The following PTPRC variants were observed in gnomAD, a reference collection of about 807,000 sequenced individuals.
The protein encoded by PTPRC is receptor-type tyrosine-protein phosphatase C.
A neutral mutation model predicts 155.9 loss-of-function variants in PTPRC; 44 were observed. The ratio of observed to expected loss-of-function variants is 0.28; its 90% CI spans 0.22 to 0.36. PTPRC has a LOEUF of 0.36. Ranked by LOEUF, PTPRC falls within the 10% of genes least tolerant of loss-of-function variation. The pLI is 1.00. For missense variants in PTPRC, 1,401 were observed against 1,564.6 expected (o/e 0.90, Z 1.76); for synonymous variants, 525 against 533.1 (o/e 0.98, Z 0.21).
Position 198,752,776 on chromosome 1 carries a change from C to G in PTPRC, c.3509+4C>G. Reference sequence around the variant, plus strand: ...CACCTCTACTCATTCACTGCAGGTGCGTGGGATTTGGTAGAATGTGCTCTC... The same window carrying G: ...CACCTCTACTCATTCACTGCAGGTGGGTGGGATTTGGTAGAATGTGCTCTC... On this transcript the variant is annotated splice_donor_region_variant and intron_variant, in intron 31 of 32. Coordinates refer to ENST00000442510, the MANE Select transcript of PTPRC (RefSeq NM_002838.5). 1.2e-6 allele frequency: 2 copies of G among 1,611,570 alleles called. No individual in the cohort carries two copies. The highest frequency in any genetic ancestry group is 1.3e-5 in the African/African-American group (1 of 74,892).
In PTPRC at chr1:198,696,826, C is replaced by G; in HGVS notation, c.215C>G (p.Thr72Ser). The change falls in exon 4 of 33, where the codon ACC becomes AGC. Residue 72 changes from threonine to serine, a missense_variant. This residue lies in a region of PTPRC where 867 missense variants were observed against 970.4 expected (regional missense o/e 0.89). Coordinates refer to ENST00000442510, the MANE Select transcript of PTPRC (RefSeq NM_002838.5). ...GAAAGAGAAAATGACTTCTCAGAGA[C>G]CACAACTTCTCTTAGTCCAGACAAT... ...TFERENDFSE[T>S]TTSLSPDNTS... 6.2e-7 allele frequency: 1 copy of G among 1,613,942 alleles called. No homozygotes were observed.
intron 15 of PTPRC, among the ~76,000 whole-genome samples, chr1:198,722,817 C>T (rs1158565917): frequency 1.3e-5 from 2 of 151,442 alleles, no homozygotes; most frequent in African/African-American, 2.4e-5. Context: ...CTATTTTATT[C>T]TGTCTCTTCA....
chr1:198,749,512 A>G lies in PTPRC; in HGVS notation c.3035A>G (p.Glu1012Gly). 1 of 1,611,230 alleles carries G rather than the reference A, an allele frequency of 6.2e-7. No individual in the cohort carries two copies. The highest frequency in any genetic ancestry group is 8.5e-7 in the Non-Finnish European group (1 of 1,178,326). ...DESSDDDSDS[E>G]EPSKYINASF... ...TCCTCTGATGATGACAGTGATTCAGAGGAACCAAGCAAATACATCAATGCA... is the reference window on the plus strand; with the variant it reads ...TCCTCTGATGATGACAGTGATTCAGGGGAACCAAGCAAATACATCAATGCA... Residue 1012 changes from glutamate to glycine, a missense_variant, in exon 28 of 33, where the codon GAG (glutamate) becomes GGG (glycine). By Grantham distance (98) the Glu-to-Gly change is moderately conservative. Around this residue, in one of 3 missense-constraint regions of PTPRC, gnomAD observed 400 missense variants for 389.5 expected, o/e 1.03. Coordinates refer to ENST00000442510, the MANE Select transcript of PTPRC (RefSeq NM_002838.5).
At chr1:198,714,564 C>T (rs562326499) in intron 12 of PTPRC, among the ~76,000 whole-genome samples, 1 of 152,110 alleles carries the variant, frequency 6.6e-6, no homozygotes, top group African/African-American at 2.4e-5. Context: ...CCAAAGCTGC[C>T]GATTGGTGAC....
intron 2 of PTPRC, among the ~76,000 whole-genome samples, chr1:198,678,650 C>T (rs1441886012): frequency 6.6e-6 from 1 of 152,148 alleles, no homozygotes; most frequent in African/African-American, 2.4e-5. Context: ...GCCAGCCAGC[C>T]TCTGGTTGTC....
intron 27 of PTPRC, among the ~76,000 whole-genome samples, chr1:198,748,580 A>G (rs2102535486): frequency 6.6e-6 from 1 of 151,842 alleles, no homozygotes; most frequent in East Asian, 1.9e-4. Flanking sequence ...AATTACATCC[A>G]TTTGTTCTCT....
intron 17 of PTPRC, among the ~76,000 whole-genome samples, chr1:198,730,935 G>A (rs777547055): frequency 5.3e-5 from 8 of 152,156 alleles, no homozygotes; most frequent in Non-Finnish European, 8.8e-5. Flanking sequence ...GTACATGGAA[G>A]AGTAGGAGAA....
chr1:198,703,315 T>C lies in PTPRC; in HGVS notation c.601T>C (p.Ser201Pro). The change falls in exon 7 of 33, where the codon TCT becomes CCT. Residue 201 changes from serine (S) to proline (P), a missense_variant. Ser to Pro is a moderately conservative substitution (Grantham distance 74). Coordinates refer to ENST00000442510, the MANE Select transcript of PTPRC (RefSeq NM_002838.5). Reference protein sequence around the residue: ...ANTSDAYLNASETTTLSPSGS... With the variant: ...ANTSDAYLNAPETTTLSPSGS... ...TCTTGCAGATGCCTACCTTAATGCCTCTGAAACAACCACTCTGAGCCCTTC... is the reference window on the plus strand; with the variant it reads ...TCTTGCAGATGCCTACCTTAATGCCCCTGAAACAACCACTCTGAGCCCTTC... 1 of 1,613,310 alleles carries C rather than the reference T, an allele frequency of 6.2e-7. No individual in the cohort carries two copies.
At chr1:198,726,442 C>T (rs745372093) in intron 15 of PTPRC, among the ~76,000 whole-genome samples, 47 of 152,032 alleles carry the variant, frequency 3.1e-4, no homozygotes, top group South Asian at 1.2e-3. Flanking sequence ...TTATATATGC[C>T]GGCAGTATAA....
intron 26 of PTPRC, among the ~76,000 whole-genome samples, 159 bp downstream of exon 26, chr1:198,744,362 A>G (rs1409696199): frequency 6.6e-6 from 1 of 151,502 alleles, no homozygotes; most frequent in African/African-American, 2.4e-5. Flanking sequence ...GTGAGTTAAG[A>G]GAAATGCCTG....
intron 2 of PTPRC, among the ~76,000 whole-genome samples, chr1:198,664,526 T>G (rs1664166865): frequency 6.6e-6 from 1 of 152,200 alleles, no homozygotes; most frequent in African/African-American, 2.4e-5. Context: ...TTTTTTAAAA[T>G]TCTTTCTCAA....
At chr1:198,707,900 A>G (rs1653079783) in intron 9 of PTPRC, among the ~76,000 whole-genome samples, 1 of 152,242 alleles carries the variant, frequency 6.6e-6, no homozygotes, top group African/African-American at 2.4e-5. Context: ...ACGTGGTATA[A>G]CTTATAAATG....
chr1:198,706,637 G>A, intron 8 of PTPRC, 97 bp from the exon 9 acceptor site: 1 of 1,323,338 alleles, frequency 7.6e-7, no homozygotes, highest in East Asian at 2.3e-5. Context: ...ATGTTTTTTG[G>A]GGATATTTGG....
At chr1:198,674,121 T>C (rs948223428) in intron 2 of PTPRC, among the ~76,000 whole-genome samples, 1 of 152,222 alleles carries the variant, frequency 6.6e-6, no homozygotes, top group African/African-American at 2.4e-5. Flanking sequence ...TTTGTTGTAG[T>C]TGCATTTGTT....
chr1:198,746,551 GAGGGC>G (rs764469641), intron 26 of PTPRC, among the ~76,000 whole-genome samples: 1 of 151,768 alleles, frequency 6.6e-6, no homozygotes, highest in Non-Finnish European at 1.5e-5. Flanking sequence ...ATGGGCATCA[GAGGGC>G]AGGGAGGAAG....
intron 3 of PTPRC, among the ~76,000 whole-genome samples, chr1:198,696,075 G>T (rs190005460): frequency 6.6e-6 from 1 of 151,858 alleles, no homozygotes; most frequent in East Asian, 1.9e-4. Context: ...CAAGAGAATC[G>T]CTTGAACCAG....
At chr1:198,682,881 A>G (rs930240145) in intron 2 of PTPRC, among the ~76,000 whole-genome samples, 1 of 152,158 alleles carries the variant, frequency 6.6e-6, no homozygotes, top group Non-Finnish European at 1.5e-5. Context: ...ACACTTTTTA[A>G]CAATAAGTTT....
At position 198,704,405 on chromosome 1, in the gene PTPRC, C is replaced by G. The variant is rs1202439500; in HGVS notation, c.659-67C>G. 5 of 1,608,590 alleles carry G rather than the reference C, an allele frequency of 3.1e-6. No individual in the cohort carries two copies. The East Asian group carries it at 1.1e-4, about 36-fold the overall frequency. The stretch of plus-strand genomic sequence containing the variant: ...TAGAAGTATTGTAAATCAGCTTTCC[C>G]AAAAATGACATGGCAGATATTCTAA... On this transcript the variant is annotated intron_variant, in intron 7 of 32. Coordinates refer to ENST00000442510, the MANE Select transcript of PTPRC (RefSeq NM_002838.5).
intron 2 of PTPRC, among the ~76,000 whole-genome samples, chr1:198,651,292 TTGTG>T (rs67899145): frequency 5.3e-4 from 78 of 147,824 alleles, no homozygotes; most frequent in Admixed American, 1.0e-3. Flanking sequence ...CAGATTGGGA[TTGTG>T]TGTGTGTGTG....
Sources: gnomAD v4.1 joint callset for allele counts (sites outside exome capture counted in the v4.1 genomes callset) on GRCh38, gnomAD v4.1.1 for gene constraint, gnomAD v4.1.1 regional missense constraint, MANE v1.5 for transcripts, NCBI Gene and HGNC (gene_info 2026-07-23, HGNC 2026-07-21) for gene names.